The following ARHGAP22 variants were observed in gnomAD, a reference collection of about 807,000 sequenced individuals.
The protein encoded by ARHGAP22 is Rho GTPase activating protein 22.
Under a neutral mutation model 59.1 loss-of-function variants are expected in ARHGAP22, and 48 were observed. That is an observed-to-expected ratio of 0.81 (90% CI 0.64 to 1.03). The LOEUF is 1.03. ARHGAP22 is among the 50% of genes least tolerant of loss of function. The pLI is 0.00. For synonymous variants in ARHGAP22, 445 were observed against 416.4 expected, an observed-to-expected ratio of 1.07 and a Z score of -0.84; for missense variants, 1,015 against 958.7, an observed-to-expected ratio of 1.06 and a Z score of -0.78.
intron 1 of ARHGAP22, among the ~76,000 whole-genome samples, chr10:48,649,741 T>A (rs1186137445): frequency 1.3e-5 from 2 of 152,120 alleles, no homozygotes; most frequent in Non-Finnish European, 2.9e-5. Flanking sequence ...TGCTGCCCAC[T>A]GCTGGGTGAG....
At chr10:48,621,406 T>A (rs1273981914) in intron 1 of ARHGAP22, among the ~76,000 whole-genome samples, 1 of 152,244 alleles carries the variant, frequency 6.6e-6, no homozygotes, top group African/African-American at 2.4e-5. Flanking sequence ...ATTATAATAT[T>A]TATTCAATTA....
chr10:48,436,224 A>G, the ARHGAP22 span: 1 of 152,256 alleles, frequency 6.6e-6, no homozygotes, highest in Non-Finnish European at 1.5e-5. Flanking sequence ...CACATTGAGC[A>G]GAGCAGGCAT....
chr10:48,639,207 T>C (rs996828212), intron 1 of ARHGAP22, among the ~76,000 whole-genome samples: 7 of 152,340 alleles, frequency 4.6e-5, no homozygotes, highest in Admixed American at 1.3e-4. Context: ...TATTCAATTA[T>C]GATTGTCAGT....
chr10:48,458,415 C>T (rs1017812695), intron 5 of ARHGAP22, among the ~76,000 whole-genome samples: 2 of 152,114 alleles, frequency 1.3e-5, no homozygotes, highest in South Asian at 4.2e-4. Flanking sequence ...AGGAACCACA[C>T]CTTGGGAGAG....
chr10:48,626,132 A>G (rs2061441260), intron 1 of ARHGAP22, among the ~76,000 whole-genome samples: 2 of 152,172 alleles, frequency 1.3e-5, no homozygotes, highest in Non-Finnish European at 2.9e-5. Context: ...ATACTATTTG[A>G]AGCCTTGATA....
At chr10:48,643,906 G>A (rs931107589) in intron 1 of ARHGAP22, among the ~76,000 whole-genome samples, 9 of 152,122 alleles carry the variant, frequency 5.9e-5, no homozygotes, top group Non-Finnish European at 1.2e-4. Flanking sequence ...CCAGCACTTG[G>A]GGAGGCCAAG....
chr10:48,533,552 A>G (rs1175192323), intron 3 of ARHGAP22, among the ~76,000 whole-genome samples: 1 of 152,196 alleles, frequency 6.6e-6, no homozygotes, highest in East Asian at 1.9e-4. Context: ...GGCCATTTCA[A>G]ATCCTGTGTG....
chr10:48,521,540 A>T (rs918869065), intron 3 of ARHGAP22, among the ~76,000 whole-genome samples: 7 of 152,264 alleles, frequency 4.6e-5, no homozygotes, highest in Admixed American at 3.9e-4. Flanking sequence ...GAAATCAATA[A>T]GAACAACTGT....
intron 1 of ARHGAP22, among the ~76,000 whole-genome samples, chr10:48,639,480 C>G (rs550839671): frequency 6.6e-6 from 1 of 152,324 alleles, no homozygotes; most frequent in South Asian, 2.1e-4. Context: ...TTTCCCTACC[C>G]ATGCACAGAT....
At chr10:48,589,711 C>A (rs1434529382) in intron 1 of ARHGAP22, among the ~76,000 whole-genome samples, 5 of 152,164 alleles carry the variant, frequency 3.3e-5, no homozygotes, top group Non-Finnish European at 2.9e-5. Context: ...TTCATCTCCC[C>A]TTTACTGAAC....
chr10:48,462,229 G>T (rs149757439), intron 4 of ARHGAP22, among the ~76,000 whole-genome samples: 1 of 135,036 alleles, frequency 7.4e-6, no homozygotes, highest in Non-Finnish European at 1.6e-5. Context: ...GTGTGTGCAT[G>T]GGTATGCACA....
intron 1 of ARHGAP22, among the ~76,000 whole-genome samples, chr10:48,641,495 C>T (rs1238503139): frequency 6.6e-6 from 1 of 152,152 alleles, no homozygotes; most frequent in African/African-American, 2.4e-5. Context: ...AGACAAAAAC[C>T]ACATGATATC....
At position 48,550,990 on chromosome 10, in the gene ARHGAP22, C is replaced by G. The variant is rs201989279; in HGVS notation, c.322+4473G>C. On this transcript the variant is annotated intron_variant, in intron 3 of 9. Coordinates refer to ENST00000249601, the MANE Select transcript of ARHGAP22 (RefSeq NM_021226.4). ...CAAAGCTCTTTTTGTGCTGCTCCCC[C>G]AGCACTGTGGCCCTCACGGACTGGG... Among the ~76,000 whole-genome samples the G allele has an allele frequency of 4.6e-5, 7 of 152,320 alleles. No homozygotes were observed. The East Asian group carries it at 9.7e-4, about 21-fold the overall frequency.
chr10:48,509,971 G>T (rs924494148), intron 3 of ARHGAP22, among the ~76,000 whole-genome samples: 2 of 152,226 alleles, frequency 1.3e-5, no homozygotes, highest in Non-Finnish European at 2.9e-5. Context: ...GAAGACAGCC[G>T]AGAGAAGAGA....
intron 1 of ARHGAP22, among the ~76,000 whole-genome samples, chr10:48,637,821 C>T (rs560981519): frequency 2.6e-5 from 4 of 152,322 alleles, no homozygotes; most frequent in African/African-American, 9.6e-5. Context: ...CCTTCACCTA[C>T]ATTCCCCTCC....
chr10:48,548,543 G>A (rs926708935), intron 3 of ARHGAP22, among the ~76,000 whole-genome samples: 2 of 152,128 alleles, frequency 1.3e-5, no homozygotes, highest in South Asian at 4.1e-4. Context: ...CACCAAACAT[G>A]GCCGTTTTTT....
At chr10:48,581,361 T>C (rs1047540406) in intron 2 of ARHGAP22, among the ~76,000 whole-genome samples, 2 of 152,246 alleles carry the variant, frequency 1.3e-5, no homozygotes, top group Non-Finnish European at 2.9e-5. Context: ...GTTTGCAAAC[T>C]GTTCACTGGA....
chr10:48,504,499 G>A (rs918241593), intron 3 of ARHGAP22, among the ~76,000 whole-genome samples: 2 of 152,212 alleles, frequency 1.3e-5, no homozygotes, highest in African/African-American at 4.8e-5. Flanking sequence ...CAGAAATGGG[G>A]TGGGTCAGGA....
intron 2 of ARHGAP22, among the ~76,000 whole-genome samples, chr10:48,568,737 G>T (rs569540774): frequency 2.5e-3 from 380 of 152,336 alleles, no homozygotes; most frequent in African/African-American, 6.4e-3. Flanking sequence ...CTCCAGAACT[G>T]GGAGCTCTTG....
Sources: allele counts gnomAD v4.1 joint callset (sites outside exome capture counted in the v4.1 genomes callset), GRCh38; gene constraint gnomAD v4.1.1; transcripts MANE v1.5; gene names NCBI Gene and HGNC (gene_info 2026-07-23, HGNC 2026-07-21).